Variants in CRKL observed in about 807,000 individuals in gnomAD.
CRKL encodes the protein CRK like proto-oncogene, adaptor protein.
In CRKL, 3 loss-of-function variants were observed where a neutral mutation model predicts 23.0. The ratio of observed to expected loss-of-function variants is 0.13; its 90% CI spans 0.06 to 0.34. The LOEUF is 0.34. Among genes scored for constraint, CRKL ranks in the 10% least tolerant of loss-of-function variants. The pLI is 1.00. For missense variants in CRKL, 256 were observed against 394.5 expected (o/e 0.65, Z 2.97); for synonymous variants, 188 against 160.7 (o/e 1.17, Z -1.28).
intron 1 of CRKL, among the ~76,000 whole-genome samples, chr22:20,921,238 A>G (rs1192584027): frequency 6.6e-6 from 1 of 152,232 alleles, no homozygotes; most frequent in Non-Finnish European, 1.5e-5. Flanking sequence ...ATTTTGGTTT[A>G]TCTTGCATAG....
intron 1 of CRKL, among the ~76,000 whole-genome samples, chr22:20,925,081 C>A (rs910229550): frequency 1.3e-5 from 2 of 149,234 alleles, no homozygotes; most frequent in Non-Finnish European, 3.0e-5. Context: ...CCAGCTACTC[C>A]GGAGGTTGAG....
intron 1 of CRKL, among the ~76,000 whole-genome samples, chr22:20,930,181 G>A (rs1031347762): frequency 1.3e-5 from 2 of 152,040 alleles, no homozygotes; most frequent in Non-Finnish European, 2.9e-5. Context: ...CCCTCACCAG[G>A]GAAGCAAGGA....
At chr22:20,925,360 C>T (rs886396758) in intron 1 of CRKL, among the ~76,000 whole-genome samples, 7 of 150,816 alleles carry the variant, frequency 4.6e-5, no homozygotes, top group Non-Finnish European at 8.9e-5. Context: ...AATTCTGGGC[C>T]GGGCGTGGTG....
chr22:20,940,944 G>C (rs1366936491), intron 2 of CRKL, among the ~76,000 whole-genome samples: 1 of 152,074 alleles, frequency 6.6e-6, no homozygotes. Context: ...TGCAAAGTAA[G>C]TTTAGGTTTC....
At chr22:20,941,962 G>A (rs1409603562) in intron 2 of CRKL, among the ~76,000 whole-genome samples, 1 of 152,168 alleles carries the variant, frequency 6.6e-6, no homozygotes, top group Non-Finnish European at 1.5e-5. Context: ...TCCCATCCTG[G>A]TCATTAGGCT....
rs1002017741 is a variant in CRKL at position 20,951,789 on chromosome 22, G to C, written c.*1944G>C. 4.5e-6 allele frequency: 1 copy of C among 220,776 alleles called. No individual in the cohort carries two copies. Among genetic ancestry groups the C allele is most frequent in the Non-Finnish European group, 9.1e-6 (1 of 110,256 alleles). The allele number at this position is 220,776 out of a possible 1,614,324, so 13.7% of individuals were successfully genotyped here. On this transcript the variant is annotated 3_prime_UTR_variant, in exon 3 of 3. Transcript: ENST00000354336. ...ACTGCTGTATTCATGAATCTTGAGA[G>C]TGTTCCTGAGACAGAATTAATGGTC... is the stretch of plus-strand genomic sequence containing the variant.
In CRKL at chr22:20,921,082, A is replaced by G. The variant is rs375603855; in HGVS notation, c.311+2837A>G. On this transcript the variant is annotated intron_variant, in intron 1 of 2. Transcript: ENST00000354336. ...TTAACATGTTATTAGCCTTTTATAG[A>G]AAGCTAGTGACTACTAGAGCCTGGG... 1.1e-4 allele frequency among the ~76,000 whole-genome samples: 16 copies of G among 152,340 alleles called. No individual in the cohort carries two copies. In the South Asian group the frequency reaches 2.9e-3, roughly 28 times the overall value.
chr22:20,917,875 G>C lies in CRKL; in HGVS notation c.-60G>C. ...CCAAAGCCGTCTGCCGGGCTAAGGC[G>C]TGCAGAGCAGGCGAGGACAGCCGCC... On this transcript the variant is annotated 5_prime_UTR_variant, in exon 1 of 3. Transcript: ENST00000354336. 1 of 1,530,382 alleles carries C rather than the reference G, an allele frequency of 6.5e-7. No homozygotes were observed. The highest frequency in any genetic ancestry group is 8.9e-7 in the Non-Finnish European group (1 of 1,127,536). The allele number at this position is 1,530,382 out of a possible 1,614,324, so 94.8% of individuals were successfully genotyped here. A position where few individuals can be genotyped will look rare whatever the true frequency, so the allele number is the denominator to read the frequency against.
In CRKL at chr22:20,952,080, C is replaced by T. The variant is rs533624313; in HGVS notation, c.*2235C>T. The T allele has an allele frequency of 4.4e-5, 10 of 227,078 alleles. No homozygotes were observed. The highest frequency in any genetic ancestry group is 6.1e-5 in the Non-Finnish European group (7 of 114,382). The allele number at this position is 227,078 out of a possible 1,614,324, so 14.1% of individuals were successfully genotyped here. A position where few individuals can be genotyped will look rare whatever the true frequency, so the allele number is the denominator to read the frequency against. The stretch of plus-strand genomic sequence containing the variant: ...CTTTGGCCAGTGACGTGGTTCATCC[C>T]GGCCCATGTTGAGCCATGAGTGGAG... On this transcript the variant is annotated 3_prime_UTR_variant, in exon 3 of 3. Transcript: ENST00000354336.
At chr22:20,941,903 G>A (rs1472112563) in intron 2 of CRKL, among the ~76,000 whole-genome samples, 1 of 152,112 alleles carries the variant, frequency 6.6e-6, no homozygotes, top group Non-Finnish European at 1.5e-5. Context: ...TGTAAATTAA[G>A]TCAGAATGCC....
intron 1 of CRKL, among the ~76,000 whole-genome samples, chr22:20,927,122 A>AAAAAAAAAG: frequency 8.6e-6 from 1 of 116,160 alleles, no homozygotes; most frequent in African/African-American, 3.3e-5. Context: ...AAAAAAAAAA[A>AAAAAAAAAG]AAAAAAAAAA....
At chr22:20,948,986 T>C (rs1175873228) in intron 2 of CRKL, among the ~76,000 whole-genome samples, 1 of 152,164 alleles carries the variant, frequency 6.6e-6, no homozygotes, top group Non-Finnish European at 1.5e-5. Flanking sequence ...AAAATACACC[T>C]TTTTGTGTAA....
At chr22:20,935,541 C>T (rs1186375633) in intron 2 of CRKL, among the ~76,000 whole-genome samples, 1 of 130,360 alleles carries the variant, frequency 7.7e-6, no homozygotes, top group Non-Finnish European at 1.6e-5. Context: ...TTTTTTGAGA[C>T]AGAGTCTCGC....
intron 2 of CRKL, among the ~76,000 whole-genome samples, chr22:20,947,058 A>G (rs1025865401): frequency 1.3e-5 from 2 of 152,194 alleles, no homozygotes; most frequent in African/African-American, 4.8e-5. Flanking sequence ...ATGAGGCACT[A>G]ATGGTCAAGG....
intron 2 of CRKL, among the ~76,000 whole-genome samples, chr22:20,939,945 G>A (rs1468700204): frequency 6.6e-6 from 1 of 151,694 alleles, no homozygotes. Context: ...CCTGCCAACC[G>A]CGCCTGGCTA....
chr22:20,951,464 T>C lies in CRKL; in HGVS notation c.*1619T>C. ...ATACAAGCCAACTGGTATATACGTG[T>C]GGTTCATCCATCATCTGCTGCACAT... On this transcript the variant is annotated 3_prime_UTR_variant, in exon 3 of 3. Coordinates refer to ENST00000354336, the MANE Select transcript of CRKL (RefSeq NM_005207.4). 1 of 229,568 alleles carries C rather than the reference T, an allele frequency of 4.4e-6. No individual in the cohort carries two copies. Among genetic ancestry groups the C allele is most frequent in the Middle Eastern group, 1.3e-3 (1 of 762 alleles). 14.2% of individuals were successfully genotyped at this position (229,568 alleles called of 1,614,324 possible).
chr22:20,930,924 C>T (rs879484698), intron 1 of CRKL, among the ~76,000 whole-genome samples: 2 of 148,780 alleles, frequency 1.3e-5, no homozygotes, highest in African/African-American at 2.5e-5. Flanking sequence ...CCTTGTGATC[C>T]GTCCACCTCA....
Position 20,917,956 on chromosome 22 carries a change from T to C in CRKL, c.22T>C (p.Ser8Pro), listed in dbSNP as rs1388023973. ...CACCATGTCCTCCGCCAGGTTCGAC[T>C]CCTCGGACCGCTCCGCCTGGTATAT... MSSARFDSSDRSAWYMGP... is the reference protein window; with the variant it reads MSSARFDPSDRSAWYMGP... Residue 8 changes from serine to proline, a missense_variant, in exon 1 of 3, where the codon TCC becomes CCC. Coordinates refer to ENST00000354336, the MANE Select transcript of CRKL (RefSeq NM_005207.4). 1 of 1,613,772 alleles carries C rather than the reference T, an allele frequency of 6.2e-7. No individual in the cohort carries two copies. The highest frequency in any genetic ancestry group is 8.5e-7 in the Non-Finnish European group (1 of 1,179,992).
At chr22:20,946,756 A>G (rs970939890) in intron 2 of CRKL, among the ~76,000 whole-genome samples, 2 of 151,262 alleles carry the variant, frequency 1.3e-5, no homozygotes, top group African/African-American at 2.4e-5. Flanking sequence ...TGCCCTCCAC[A>G]GTGAGTGCTT....
Sources: gnomAD v4.1 joint callset for allele counts (sites outside exome capture counted in the v4.1 genomes callset) on GRCh38, gnomAD v4.1.1 for gene constraint, MANE v1.5 for transcripts, NCBI Gene and HGNC (gene_info 2026-07-23, HGNC 2026-07-21) for gene names.